DISC1: variants seen among roughly 807,000 people sequenced by gnomAD.
DISC1 encodes the protein disrupted in schizophrenia 1 protein.
Under a neutral mutation model 84.5 loss-of-function variants are expected in DISC1, and 57 were observed. The ratio of observed to expected loss-of-function variants is 0.67; its 90% CI spans 0.55 to 0.84. DISC1 has a LOEUF of 0.84. Ranked by LOEUF, DISC1 falls within the 40% of genes least tolerant of loss-of-function variation. DISC1 has a pLI of 0.00. For synonymous variants in DISC1, 411 were observed against 415.2 expected, an observed-to-expected ratio of 0.99 and a Z score of 0.12; for missense variants, 1,000 against 1,057.8, an observed-to-expected ratio of 0.95 and a Z score of 0.76.
rs962462239 is a variant in DISC1 at position 231,818,502 on chromosome 1, C to T, written c.1966C>T (p.Gln656Ter). 2 of 1,614,082 alleles carry T rather than the reference C, an allele frequency of 1.2e-6. No homozygotes were observed. The highest frequency in any genetic ancestry group is 1.7e-6 in the Non-Finnish European group (2 of 1,179,978). ...CAGACTGAGAAGAGAAGTGGAGCAC[C>T]AGGAGACTGCCTATGGTAGGTAGTG... ...YNRLRREVEH[Q>*]ETAYETSVKE... Residue 656 changes from glutamine to a stop codon, truncating the protein, a stop_gained, in exon 9 of 13, where the codon CAG becomes TAG. Coordinates refer to ENST00000439617, the MANE Select transcript of DISC1 (RefSeq NM_018662.3). LOFTEE classifies it high-confidence loss of function.
At chr1:231,769,501 A>G (rs1379847991) in intron 5 of DISC1, among the ~76,000 whole-genome samples, 1 of 152,246 alleles carries the variant, frequency 6.6e-6, no homozygotes, top group East Asian at 1.9e-4. Context: ...AGTGAAATAC[A>G]CTGGTTGCAA....
intron 9 of DISC1, among the ~76,000 whole-genome samples, chr1:231,828,103 A>G (rs1020952982): frequency 6.6e-5 from 10 of 152,336 alleles, no homozygotes; most frequent in African/African-American, 2.4e-4. Flanking sequence ...GTATTAACCC[A>G]TTATGAATAT....
intron 1 of DISC1, among the ~76,000 whole-genome samples, chr1:231,682,646 A>G (rs185668851): frequency 6.6e-6 from 1 of 152,330 alleles, no homozygotes. Context: ...GTGCATATAC[A>G]TGTTTTTTTT....
At chr1:231,779,556 T>G (rs1276830903) in intron 6 of DISC1, among the ~76,000 whole-genome samples, 1 of 138,430 alleles carries the variant, frequency 7.2e-6, no homozygotes, top group Admixed American at 7.2e-5. Context: ...CTTGTTTTTT[T>G]TTTTTTTTTT....
chr1:231,907,745 G>C (rs567972891), intron 9 of DISC1, among the ~76,000 whole-genome samples: 2 of 152,150 alleles, frequency 1.3e-5, no homozygotes, highest in Non-Finnish European at 2.9e-5. Flanking sequence ...TTGAGGAATC[G>C]CTACACTGTC....
In DISC1 at chr1:232,009,621, T is replaced by C; in HGVS notation, c.2307+572T>C. 1.1e-6 allele frequency: 1 copy of C among 886,540 alleles called. No homozygotes were observed. The highest frequency in any genetic ancestry group is 5.2e-5 in the South Asian group (1 of 19,074). 54.9% of individuals were successfully genotyped at this position (886,540 alleles called of 1,614,324 possible). A position where few individuals can be genotyped will look rare whatever the true frequency, so the allele number is the denominator to read the frequency against. ...CACAACTAAAGTTTGGCCTGAGATA[T>C]ATGTATTACAAATTAAAATATGGTT... On this transcript the variant is annotated intron_variant, in intron 11 of 12. Coordinates refer to ENST00000439617, the MANE Select transcript of DISC1 (RefSeq NM_018662.3). This position sits in a 1 kb window ranked among gnomAD's most constrained non-coding sequence, Gnocchi z 4.6.
intron 4 of DISC1, among the ~76,000 whole-genome samples, chr1:231,762,954 C>T (rs889000789): frequency 1.3e-5 from 2 of 152,106 alleles, no homozygotes; most frequent in Non-Finnish European, 2.9e-5. Flanking sequence ...TAGGTAAGTG[C>T]GGTGACACGG....
At chr1:231,740,984 C>T (rs1235202481) in intron 3 of DISC1, among the ~76,000 whole-genome samples, 1 of 152,178 alleles carries the variant, frequency 6.6e-6, no homozygotes, top group East Asian at 1.9e-4. Flanking sequence ...TATGAAAGTG[C>T]TTGGAGTAAT....
intron 9 of DISC1, among the ~76,000 whole-genome samples, chr1:231,934,547 C>T (rs1317256097): frequency 6.6e-6 from 1 of 152,134 alleles, no homozygotes; most frequent in East Asian, 1.9e-4. Flanking sequence ...AAATATGCAA[C>T]TTATGGAAGT....
chr1:231,993,019 A>G (rs1665430746), intron 10 of DISC1, among the ~76,000 whole-genome samples: 1 of 152,208 alleles, frequency 6.6e-6, no homozygotes, highest in Non-Finnish European at 1.5e-5. Flanking sequence ...CTCTCTTGAG[A>G]GTACTACAAA....
At chr1:231,731,523 G>T (rs1057151407) in intron 3 of DISC1, among the ~76,000 whole-genome samples, 7 of 152,184 alleles carry the variant, frequency 4.6e-5, no homozygotes, top group Non-Finnish European at 1.0e-4. Context: ...TGCTTCCATT[G>T]CCTCCCTGTT....
At chr1:231,740,960 C>T (rs2073185487) in intron 3 of DISC1, among the ~76,000 whole-genome samples, 1 of 152,172 alleles carries the variant, frequency 6.6e-6, no homozygotes, top group African/African-American at 2.4e-5. Flanking sequence ...TAGAGATGCT[C>T]AACCTGTAAC....
chr1:231,782,103 G>A (rs755828776), intron 6 of DISC1, among the ~76,000 whole-genome samples: 4 of 152,220 alleles, frequency 2.6e-5, no homozygotes, highest in Non-Finnish European at 4.4e-5. Context: ...CTTATATAGA[G>A]ATCGTTGTTA....
At chr1:231,923,292 C>T (rs1393488815) in intron 9 of DISC1, among the ~76,000 whole-genome samples, 2 of 99,362 alleles carry the variant, frequency 2.0e-5, no homozygotes, top group South Asian at 6.4e-4. Flanking sequence ...GTCTCAAAAA[C>T]AAAACAAAAA....
intron 1 of DISC1, chr1:231,684,859 G>A (rs1021317730): frequency 6.6e-6 from 1 of 152,254 alleles, no homozygotes; most frequent in Non-Finnish European, 1.5e-5. Context: ...GAGGCTGACA[G>A]GAAAACAGCG....
At chr1:231,960,429 A>G (rs911082348) in intron 10 of DISC1, among the ~76,000 whole-genome samples, 3 of 151,780 alleles carry the variant, frequency 2.0e-5, no homozygotes, top group Non-Finnish European at 4.4e-5. Flanking sequence ...ATTTTTTTAT[A>G]TTTAGTGGAG....
At chr1:231,775,118 G>A (rs1465248813) in intron 6 of DISC1, among the ~76,000 whole-genome samples, 5 of 152,186 alleles carry the variant, frequency 3.3e-5, no homozygotes, top group Admixed American at 2.6e-4. Context: ...TAGAGAAACA[G>A]ATCACTCAAC....
In DISC1 at chr1:231,652,226, A is replaced by G. The variant is rs543026862; in HGVS notation, c.67+25292A>G. Among the ~76,000 whole-genome samples, 38 of 152,314 alleles carry G rather than the reference A, an allele frequency of 2.5e-4. No individual in the cohort carries two copies. The South Asian group carries it at 7.5e-3, about 30-fold the overall frequency. ...TCCTATTTGGCCATCTTGGAACAGAATGCATCATGTCACTTCTTATACATG... is the reference window on the plus strand; with the variant it reads ...TCCTATTTGGCCATCTTGGAACAGAGTGCATCATGTCACTTCTTATACATG... On this transcript the variant is annotated intron_variant, in intron 1 of 12. Coordinates refer to ENST00000439617, the MANE Select transcript of DISC1 (RefSeq NM_018662.3).
At chr1:231,791,387 G>A (rs527997537) in intron 6 of DISC1, among the ~76,000 whole-genome samples, 2 of 152,296 alleles carry the variant, frequency 1.3e-5, no homozygotes, top group African/African-American at 4.8e-5. Context: ...CCCTGGGAAA[G>A]TTACTTAAAC....
Sources: allele counts gnomAD v4.1 joint callset (sites outside exome capture counted in the v4.1 genomes callset), GRCh38; gene constraint gnomAD v4.1.1; non-coding constraint Gnocchi (gnomAD v3.1); transcripts MANE v1.5; gene names NCBI Gene and HGNC (gene_info 2026-07-23, HGNC 2026-07-21).